The following PJVK variants were observed in gnomAD, a reference collection of about 807,000 sequenced individuals.
The protein encoded by PJVK is pejvakin.
In PJVK, 33 loss-of-function variants were observed where a neutral mutation model predicts 37.6. The ratio of observed to expected loss-of-function variants is 0.88; its 90% CI spans 0.67 to 1.17. The LOEUF (loss-of-function observed/expected upper bound fraction) is 1.17, where lower values mean the gene tolerates loss of function less well. PJVK is among the 50% of genes most tolerant of loss of function. The pLI, the probability that PJVK is intolerant of heterozygous loss-of-function variation, is 0.00. For missense variants in PJVK, 410 were observed against 413.8 expected, an observed-to-expected ratio of 0.99 and a Z score of 0.08; for synonymous variants, 141 against 143.5, an observed-to-expected ratio of 0.98 and a Z score of 0.13.
At chr2:178,454,906 A>G (rs952840252) in intron 3 of PJVK, 2 of 930,078 alleles carry the variant, frequency 2.2e-6, no homozygotes, top group Middle Eastern at 2.1e-4. Flanking sequence ...GACAAAGGAA[A>G]ACTGAAGCCC....
rs1434792452 is a variant in PJVK at position 178,455,310 on chromosome 2, A to G, written c.408-700A>G. Reference sequence around the variant, plus strand: ...ATCATGGTGGAAAAGACAATCTATGACCAGTAACAGAAGTCCATGGGGCTG... The same window carrying G: ...ATCATGGTGGAAAAGACAATCTATGGCCAGTAACAGAAGTCCATGGGGCTG... On this transcript the variant is annotated intron_variant, in intron 3 of 6. Coordinates refer to ENST00000644580, the MANE Select transcript of PJVK (RefSeq NM_001042702.5). 3.7e-6 allele frequency: 5 copies of G among 1,336,112 alleles called. No individual in the cohort carries two copies. In the East Asian group the frequency reaches 9.2e-5, roughly 25 times the overall value. 82.8% of individuals were successfully genotyped at this position (1,336,112 alleles called of 1,614,324 possible). A position where few individuals can be genotyped will look rare whatever the true frequency, so the allele number is the denominator to read the frequency against.
In PJVK at chr2:178,461,785, A is replaced by G. The variant is rs931661902; in HGVS notation, c.*511A>G. ...TTTTTAGTAGAGACAGAGTTTTACC[A>G]TCTTGGCCAGGCTGATCTTGAACTC... On this transcript the variant is annotated 3_prime_UTR_variant, in exon 7 of 7. Coordinates refer to ENST00000644580, the MANE Select transcript of PJVK (RefSeq NM_001042702.5). Among the ~76,000 whole-genome samples, 1 of 152,006 alleles carries G rather than the reference A, an allele frequency of 6.6e-6. No homozygotes were observed. The highest frequency in any genetic ancestry group is 1.5e-5 in the Non-Finnish European group (1 of 68,000).
intron 5 of PJVK, 36 bp from the exon 6 acceptor site, chr2:178,460,312 T>A: frequency 6.7e-7 from 1 of 1,499,444 alleles, no homozygotes; most frequent in Non-Finnish European, 9.3e-7. Context: ...TATGAATTAT[T>A]CAAGTTATAA....
In PJVK at chr2:178,461,223, G is replaced by A. The variant is rs1346402760; in HGVS notation, c.1008G>A (p.Val336=). Residue 336 remains valine, a synonymous_variant, in exon 7 of 7, where the codon GTG becomes GTA. Transcript: ENST00000644580. ...FQCSVDGQKY[V]RLHAVPCFDI... ...GTTCTGTTGATGGTCAGAAGTATGT[G>A]AGACTTCATGCAGTTCCTTGTTTTG... 1 of 1,614,042 alleles carries A rather than the reference G, an allele frequency of 6.2e-7. No individual in the cohort carries two copies. Among genetic ancestry groups the A allele is most frequent in the Non-Finnish European group, 8.5e-7 (1 of 1,180,032 alleles).
intron 4 of PJVK, among the ~76,000 whole-genome samples, chr2:178,458,253 T>C (rs573849969): frequency 1.2e-3 from 184 of 151,956 alleles, no homozygotes; most frequent in African/African-American, 4.2e-3. Flanking sequence ...AGCATTATGG[T>C]TGTGGTAGCA....
intron 3 of PJVK, 119 bp downstream of exon 3, chr2:178,454,646 A>G: frequency 7.0e-7 from 1 of 1,427,868 alleles, no homozygotes; most frequent in Non-Finnish European, 9.7e-7. Context: ...AATTTGCTAG[A>G]TATGTTTGAA....
At chr2:178,460,509 G>C (rs975051607) in intron 6 of PJVK, 63 bp downstream of exon 6, 118 of 1,429,478 alleles carry the variant, frequency 8.3e-5, no homozygotes, top group Non-Finnish European at 1.1e-4. Flanking sequence ...AACACATGAG[G>C]TTTTCTATTC....
At chr2:178,455,389 G>A (rs879201263) in intron 3 of PJVK, 4 of 1,369,354 alleles carry the variant, frequency 2.9e-6, no homozygotes, top group Non-Finnish European at 4.2e-6. Context: ...TCATGGATCA[G>A]CATCCGGAGA....
intron 4 of PJVK, chr2:178,456,357 T>C: frequency 3.2e-6 from 2 of 620,990 alleles, no homozygotes; most frequent in Non-Finnish European, 5.5e-6. Flanking sequence ...TGTAATATAA[T>C]GCAAAAACAG....
rs183157169 is a variant in PJVK at position 178,451,708 on chromosome 2, C to T, written c.-84C>T. ...ACACGCGGGGACGTCCAAACACCCG[C>T]TCCTCTCCCGCCGGGCGGGCTCCTT... On this transcript the variant is annotated 5_prime_UTR_variant, in exon 1 of 7. Coordinates refer to ENST00000644580, the MANE Select transcript of PJVK (RefSeq NM_001042702.5). The T allele has an allele frequency of 5.3e-3, 5,012 of 936,928 alleles. 17 individuals are homozygous for T. Among genetic ancestry groups the T allele is most frequent in the Non-Finnish European group, 6.0e-3 (4,681 of 785,784 alleles). 58.0% of individuals were successfully genotyped at this position (936,928 alleles called of 1,614,324 possible).
intron 3 of PJVK, among the ~76,000 whole-genome samples, chr2:178,455,643 TA>T (rs373644585): frequency 3.9e-3 from 495 of 126,446 alleles, no homozygotes; most frequent in Admixed American, 4.4e-3. Flanking sequence ...TTTGCCCAGC[TA>T]AAAAAAAAAA....
Position 178,461,583 on chromosome 2 carries a change from C to CTTT in PJVK, c.*309_*310insTTT, listed in dbSNP as rs1559373009. Among the ~76,000 whole-genome samples the CTTT allele has an allele frequency of 3.4e-5, 4 of 117,214 alleles. No homozygotes were observed. The highest frequency in any genetic ancestry group is 2.9e-4 in the South Asian group (1 of 3,406). The allele number at this position is 117,214 out of a possible 152,430, so 76.9% of individuals were successfully genotyped here. A position where few individuals can be genotyped will look rare whatever the true frequency, so the allele number is the denominator to read the frequency against. On this transcript the variant is annotated 3_prime_UTR_variant, in exon 7 of 7. Coordinates refer to ENST00000644580, the MANE Select transcript of PJVK (RefSeq NM_001042702.5). ...GGATGTAGTCTATCATTTTAGTTCA[C>CTTT]CTTTTTTTTTTTTTTTTTTGAGACA...
chr2:178,453,677 A>C (rs752328290), intron 2 of PJVK, 57 bp downstream of exon 2: 3 of 1,411,590 alleles, frequency 2.1e-6, no homozygotes, highest in Non-Finnish European at 3.0e-6. Flanking sequence ...GGCAACCTAA[A>C]CATAGGTCAT....
At chr2:178,458,453 A>G in intron 4 of PJVK, 57 bp from the exon 5 acceptor site, 1 of 1,370,234 alleles carries the variant, frequency 7.3e-7, no homozygotes, top group Non-Finnish European at 1.0e-6. Flanking sequence ...CATTTCTCCA[A>G]AAAGCTATCC....
intron 1 of PJVK, chr2:178,452,819 AATTT>A (rs1321847653): frequency 1.1e-5 from 2 of 175,004 alleles, no homozygotes; most frequent in Non-Finnish European, 2.3e-5. Flanking sequence ...TATATCTGTG[AATTT>A]ATATTTAATA....
At position 178,461,200 on chromosome 2, in the gene PJVK, T is replaced by C; in HGVS notation, c.985T>C (p.Ser329Pro). ...GACAGTTTATGGGTGCTTTCAGTGT[T>C]CTGTTGATGGTCAGAAGTATGTGAG... ...RETVYGCFQCSVDGQKYVRLH... is the reference protein window; with the variant it reads ...RETVYGCFQCPVDGQKYVRLH... The change falls in exon 7 of 7, where the codon TCT becomes CCT. Residue 329 changes from serine to proline, a missense_variant. Ser to Pro is a moderately conservative substitution (Grantham distance 74). Transcript: ENST00000644580. 6.2e-7 allele frequency: 1 copy of C among 1,614,194 alleles called. No homozygotes were observed. The highest frequency in any genetic ancestry group is 8.5e-7 in the Non-Finnish European group (1 of 1,180,022).
At chr2:178,455,208 C>T in intron 3 of PJVK, 1 of 1,574,056 alleles carries the variant, frequency 6.4e-7, no homozygotes, top group African/African-American at 1.3e-5. Flanking sequence ...CGCTTGGTGT[C>T]CAGTGACCCT....
chr2:178,453,881 A>G, intron 2 of PJVK: 2 of 404,242 alleles, frequency 4.9e-6, no homozygotes, highest in South Asian at 5.3e-5. Context: ...AGAATATGAC[A>G]TATTTCTTCA....
chr2:178,458,395 A>G, intron 4 of PJVK, 115 bp from the exon 5 acceptor site: 1 of 819,104 alleles, frequency 1.2e-6, no homozygotes, highest in East Asian at 2.8e-5. Flanking sequence ...ATAATCCTTT[A>G]CTTGGGAATT....
Sources: allele counts gnomAD v4.1 joint callset (sites outside exome capture counted in the v4.1 genomes callset), GRCh38; gene constraint gnomAD v4.1.1; transcripts MANE v1.5; gene names NCBI Gene and HGNC (gene_info 2026-07-23, HGNC 2026-07-21).